The following RALGAPA1 variants were observed in gnomAD, a reference collection of about 807,000 sequenced individuals.
The protein encoded by RALGAPA1 is ral GTPase-activating protein subunit alpha-1.
Under a neutral mutation model 269.6 loss-of-function variants are expected in RALGAPA1, and 52 were observed. That is an observed-to-expected ratio of 0.19 (90% CI 0.15 to 0.24). The LOEUF (loss-of-function observed/expected upper bound fraction) is 0.24. Among genes scored for constraint, RALGAPA1 ranks in the 10% least tolerant of loss-of-function variants. The pLI, the probability that RALGAPA1 is intolerant of heterozygous loss-of-function variation, is 1.00. For missense variants in RALGAPA1, 1,917 were observed against 3,013.9 expected, an observed-to-expected ratio of 0.64 and a Z score of 8.52; for synonymous variants, 817 against 1,008.3, an observed-to-expected ratio of 0.81 and a Z score of 3.60.
At chr14:35,753,860 T>A (rs2072948964) in intron 7 of RALGAPA1, among the ~76,000 whole-genome samples, 1 of 152,130 alleles carries the variant, frequency 6.6e-6, no homozygotes, top group Non-Finnish European at 1.5e-5. Context: ...ATAAAGCTGT[T>A]TTTTAAAAAT....
At chr14:35,640,523 T>C (rs1445402675) in intron 31 of RALGAPA1, among the ~76,000 whole-genome samples, 1 of 152,148 alleles carries the variant, frequency 6.6e-6, no homozygotes, top group African/African-American at 2.4e-5. Context: ...ACATAAAATC[T>C]ATTAAGATTT....
chr14:35,557,617 C>G (rs1212773959), intron 39 of RALGAPA1, among the ~76,000 whole-genome samples: 1 of 152,098 alleles, frequency 6.6e-6, no homozygotes, highest in African/African-American at 2.4e-5. Context: ...TAAATACAAT[C>G]TATTCTGCAG....
chr14:35,594,537 G>C (rs2058818914), intron 37 of RALGAPA1, among the ~76,000 whole-genome samples: 1 of 152,052 alleles, frequency 6.6e-6, no homozygotes, highest in Admixed American at 6.6e-5. Context: ...ACTGGTATAT[G>C]AAAAGGCTCA....
intron 16 of RALGAPA1, among the ~76,000 whole-genome samples, chr14:35,701,435 G>A (rs931276585): frequency 3.9e-5 from 6 of 152,022 alleles, no homozygotes; most frequent in African/African-American, 1.4e-4. Context: ...AGGCCTTTAC[G>A]ACTTGCCTAC....
At chr14:35,708,366 T>C (rs1360304428) in intron 16 of RALGAPA1, among the ~76,000 whole-genome samples, 1 of 152,016 alleles carries the variant, frequency 6.6e-6, no homozygotes, top group African/African-American at 2.4e-5. Flanking sequence ...TGACAAGGGA[T>C]TAATAACTAG....
At chr14:35,771,601 C>T (rs982230613) in intron 3 of RALGAPA1, among the ~76,000 whole-genome samples, 19 of 152,106 alleles carry the variant, frequency 1.2e-4, no homozygotes, top group African/African-American at 4.6e-4. Flanking sequence ...ATATGTTTTC[C>T]TAATGATTAA....
chr14:35,765,901 A>G lies in RALGAPA1; in HGVS notation c.326-3148T>C, dbSNP rs1393653798. The G allele has an allele frequency of 1.8e-5, 19 of 1,071,094 alleles. No homozygotes were observed. The Admixed American group carries it at 3.0e-4, about 17-fold the overall frequency. The allele number at this position is 1,071,094 out of a possible 1,614,324, so 66.3% of individuals were successfully genotyped here. On this transcript the variant is annotated intron_variant, in intron 4 of 41. Transcript: ENST00000680220. Reference sequence around the variant, plus strand: ...TCTACTAATGGAAAAACAAATTTAGATGAGTTTGCTATGAGATCTGGAAAT... The same window carrying G: ...TCTACTAATGGAAAAACAAATTTAGGTGAGTTTGCTATGAGATCTGGAAAT...
chr14:35,592,151 A>G (rs553752132), intron 37 of RALGAPA1, among the ~76,000 whole-genome samples: 1 of 152,326 alleles, frequency 6.6e-6, no homozygotes, highest in Non-Finnish European at 1.5e-5. Flanking sequence ...TCCTTTGTTA[A>G]GACTGTAACC....
intron 4 of RALGAPA1, among the ~76,000 whole-genome samples, chr14:35,769,758 C>T (rs2074477617): frequency 6.6e-6 from 1 of 152,134 alleles, no homozygotes; most frequent in Non-Finnish European, 1.5e-5. Flanking sequence ...ATCAAACTGA[C>T]TCAGAGAGAT....
At chr14:35,664,504 T>G (rs889303293) in intron 27 of RALGAPA1, 138 bp downstream of exon 27, 2 of 684,858 alleles carry the variant, frequency 2.9e-6, no homozygotes, top group Admixed American at 6.7e-5. Context: ...TTCAAGCCTT[T>G]GTGTCTGGAG....
chr14:35,677,709 G>T, intron 22 of RALGAPA1: 1 of 424,876 alleles, frequency 2.4e-6, no homozygotes, highest in Non-Finnish European at 4.1e-6. Context: ...TACAATACTT[G>T]AAAATAATGC....
At chr14:35,727,434 C>A (rs2070066568) in intron 13 of RALGAPA1, among the ~76,000 whole-genome samples, 1 of 148,032 alleles carries the variant, frequency 6.8e-6, no homozygotes, top group Non-Finnish European at 1.5e-5. Context: ...AGAGAGTGAA[C>A]CTTTGAGCTT....
chr14:35,775,092 C>A (rs1012090973), intron 2 of RALGAPA1, 37 bp from the exon 3 acceptor site: 2 of 1,149,754 alleles, frequency 1.7e-6, no homozygotes, highest in East Asian at 2.4e-5. Flanking sequence ...TAAAACATAT[C>A]ATTTTGTCCT....
chr14:35,643,879 G>C (rs1407468503), intron 31 of RALGAPA1, among the ~76,000 whole-genome samples: 2 of 152,222 alleles, frequency 1.3e-5, no homozygotes, highest in Non-Finnish European at 2.9e-5. Flanking sequence ...ATGGTTACCA[G>C]AGACTGGGAA....
intron 27 of RALGAPA1, among the ~76,000 whole-genome samples, chr14:35,660,892 A>T (rs1257448531): frequency 6.6e-6 from 1 of 152,174 alleles, no homozygotes; most frequent in Non-Finnish European, 1.5e-5. Context: ...GCATGTTCTC[A>T]CCTACATGTG....
chr14:35,579,620 AAAG>A (rs2057820031), intron 37 of RALGAPA1, among the ~76,000 whole-genome samples: 2 of 151,752 alleles, frequency 1.3e-5, no homozygotes. Flanking sequence ...AAAAAAAAAA[AAAG>A]AATTTTATTC....
intron 35 of RALGAPA1, among the ~76,000 whole-genome samples, chr14:35,608,955 G>A (rs954274973): frequency 2.0e-5 from 3 of 152,176 alleles, no homozygotes; most frequent in Admixed American, 6.5e-5. Context: ...GGCCAGGTGC[G>A]ATGGCTTACG....
intron 39 of RALGAPA1, among the ~76,000 whole-genome samples, chr14:35,560,460 G>A (rs1330898275): frequency 6.6e-6 from 1 of 152,068 alleles, no homozygotes; most frequent in African/African-American, 2.4e-5. Context: ...AATATTAGCA[G>A]AATTCTTCCA....
Position 35,627,843 on chromosome 14 carries a change from A to G in RALGAPA1, c.6104T>C (p.Leu2035Pro). 1 of 1,593,312 alleles carries G rather than the reference A, an allele frequency of 6.3e-7. No homozygotes were observed. Among genetic ancestry groups the G allele is most frequent in the Non-Finnish European group, 8.6e-7 (1 of 1,165,184 alleles). Residue 2035 changes from leucine to proline, a missense_variant, in exon 34 of 42, where the codon CTA (leucine) becomes CCA (proline). Leu to Pro is a moderately conservative substitution (Grantham distance 98). Transcript: ENST00000680220. ...GTGATTTTCACACACCTGACTTGTT[A>G]GCATAGCAGGACCACCGCTCATTGG... is the stretch of plus-strand genomic sequence containing the variant. ...HYPMSGGPAM[L>P]TSQVCENHDN...
Sources: allele counts gnomAD v4.1 joint callset (sites outside exome capture counted in the v4.1 genomes callset), GRCh38; gene constraint gnomAD v4.1.1; transcripts MANE v1.5; gene names NCBI Gene and HGNC (gene_info 2026-07-23, HGNC 2026-07-21).